The following RERE variants were observed in gnomAD, a reference collection of about 807,000 sequenced individuals.
RERE encodes the protein arginine-glutamic acid dipeptide repeats.
In RERE, 40 loss-of-function variants were observed where a neutral mutation model predicts 146.1. That is an observed-to-expected ratio of 0.27 (90% CI 0.21 to 0.36). The LOEUF (loss-of-function observed/expected upper bound fraction) is 0.36, where lower values mean the gene tolerates loss of function less well. RERE is among the 10% of genes least tolerant of loss of function. RERE has a pLI of 1.00. For missense variants in RERE, 1,933 were observed against 2,138.7 expected (o/e 0.90, Z 1.90); for synonymous variants, 1,003 against 866.0 (o/e 1.16, Z -2.78).
At chr1:8,368,780 G>A (rs964561765) in intron 12 of RERE, among the ~76,000 whole-genome samples, 2 of 152,142 alleles carry the variant, frequency 1.3e-5, no homozygotes, top group African/African-American at 4.8e-5. Context: ...AAGGGAAGAA[G>A]CCAGGCGCAG....
intron 11 of RERE, among the ~76,000 whole-genome samples, chr1:8,437,229 G>T (rs1644182177): frequency 6.6e-6 from 1 of 152,106 alleles, no homozygotes; most frequent in Non-Finnish European, 1.5e-5. Context: ...AGGGGCTCCT[G>T]GATTTTGTTT....
At chr1:8,709,892 C>G (rs534139984) in intron 1 of RERE, among the ~76,000 whole-genome samples, 1 of 152,328 alleles carries the variant, frequency 6.6e-6, no homozygotes, top group African/African-American at 2.4e-5. Flanking sequence ...AACTTATACT[C>G]TTACCAGCAG....
chr1:8,707,748 G>A (rs1021725586), intron 1 of RERE, among the ~76,000 whole-genome samples: 1 of 152,200 alleles, frequency 6.6e-6, no homozygotes, highest in African/African-American at 2.4e-5. Flanking sequence ...ATCCAGGATT[G>A]TATTAGTACC....
chr1:8,491,956 A>G (rs184250961), intron 10 of RERE, among the ~76,000 whole-genome samples: 49 of 152,326 alleles, frequency 3.2e-4, no homozygotes, highest in African/African-American at 1.1e-3. Flanking sequence ...CAAATCTTCT[A>G]TTACTCTAGG....
intron 12 of RERE, among the ~76,000 whole-genome samples, chr1:8,405,517 AG>A (rs953644671): frequency 3.3e-5 from 5 of 152,278 alleles, no homozygotes; most frequent in African/African-American, 1.2e-4. Context: ...ATTAAAAATT[AG>A]GTTATAGAAC....
chr1:8,570,365 T>A (rs1328677379), intron 4 of RERE, among the ~76,000 whole-genome samples: 1 of 151,804 alleles, frequency 6.6e-6, no homozygotes. Context: ...AAAAATAAAT[T>A]TTTTTGTAAT....
chr1:8,593,006 T>A (rs1646513319), intron 4 of RERE, among the ~76,000 whole-genome samples: 1 of 152,186 alleles, frequency 6.6e-6, no homozygotes, highest in Non-Finnish European at 1.5e-5. Flanking sequence ...TCCCAAGAAA[T>A]GGCTACAACC....
intron 1 of RERE, among the ~76,000 whole-genome samples, chr1:8,757,182 A>G (rs1337007523): frequency 6.6e-6 from 1 of 152,136 alleles, no homozygotes; most frequent in Non-Finnish European, 1.5e-5. Context: ...CATTCAACAC[A>G]AAACACACAA....
chr1:8,354,922 C>T lies in RERE; in HGVS notation c.*165G>A. ...AGTCTCAGGAAATCCTCTCGACAAA[C>T]GAACACTACTATGTGGATACATTTT... On this transcript the variant is annotated 3_prime_UTR_variant, in exon 23 of 23. Coordinates refer to ENST00000400908, the MANE Select transcript of RERE (RefSeq NM_001042681.2). 4 of 627,254 alleles carry T rather than the reference C, an allele frequency of 6.4e-6. No homozygotes were observed. The highest frequency in any genetic ancestry group is 6.2e-5 in the South Asian group (3 of 48,136). The allele number at this position is 627,254 out of a possible 1,614,324, so 38.9% of individuals were successfully genotyped here. A position where few individuals can be genotyped will look rare whatever the true frequency, so the allele number is the denominator to read the frequency against.
intron 4 of RERE, among the ~76,000 whole-genome samples, chr1:8,604,552 T>C (rs937393516): frequency 1.5e-5 from 2 of 131,282 alleles, no homozygotes; most frequent in African/African-American, 5.8e-5. Flanking sequence ...TACCAGTCAA[T>C]AGCAAGCTGA....
At chr1:8,422,670 G>C in intron 12 of RERE, 57 bp downstream of exon 12, 1 of 1,237,112 alleles carries the variant, frequency 8.1e-7, no homozygotes. Context: ...CAAATGTGGA[G>C]AGGCAGCAGG....
At chr1:8,557,037 GAA>G (rs1046532585) in intron 5 of RERE, among the ~76,000 whole-genome samples, 1 of 136,454 alleles carries the variant, frequency 7.3e-6, no homozygotes. Context: ...TTCAAAGAAG[GAA>G]AAAAAAAAAA....
intron 12 of RERE, among the ~76,000 whole-genome samples, chr1:8,405,579 A>T (rs1040507136): frequency 7.9e-5 from 12 of 152,264 alleles, no homozygotes; most frequent in African/African-American, 2.4e-4. Context: ...GCCTAGAAAC[A>T]GTCGGAAGAA....
At chr1:8,570,009 G>T (rs1460257650) in intron 4 of RERE, among the ~76,000 whole-genome samples, 1 of 152,032 alleles carries the variant, frequency 6.6e-6, no homozygotes. Flanking sequence ...AAAGAACATG[G>T]GTTATAGCTT....
intron 4 of RERE, among the ~76,000 whole-genome samples, chr1:8,559,833 C>T (rs1381303456): frequency 6.6e-6 from 1 of 152,154 alleles, no homozygotes; most frequent in Non-Finnish European, 1.5e-5. Context: ...TACAGGACAA[C>T]TGGAGTTTTC....
chr1:8,793,479 A>G (rs1641406690), intron 1 of RERE, among the ~76,000 whole-genome samples: 1 of 152,210 alleles, frequency 6.6e-6, no homozygotes, highest in East Asian at 1.9e-4. Flanking sequence ...AACTGCAAAG[A>G]GGTTAAGACC....
At chr1:8,586,192 T>A (rs960939547) in intron 4 of RERE, among the ~76,000 whole-genome samples, 3 of 152,216 alleles carry the variant, frequency 2.0e-5, no homozygotes, top group Non-Finnish European at 2.9e-5. Context: ...GCGAGAGATC[T>A]GCAGAGTATT....
At chr1:8,706,245 G>C (rs1052191455) in intron 1 of RERE, among the ~76,000 whole-genome samples, 1 of 151,940 alleles carries the variant, frequency 6.6e-6, no homozygotes, top group African/African-American at 2.4e-5. Flanking sequence ...TTTGAGCCTA[G>C]GAGTTTGAGT....
chr1:8,787,894 G>T (rs1259994922), intron 1 of RERE, among the ~76,000 whole-genome samples: 2 of 147,528 alleles, frequency 1.4e-5, no homozygotes, highest in Non-Finnish European at 3.0e-5. Flanking sequence ...TAATTTAAAA[G>T]TATTACCAGC....
Sources: gnomAD v4.1 joint callset for allele counts (sites outside exome capture counted in the v4.1 genomes callset) on GRCh38, gnomAD v4.1.1 for gene constraint, MANE v1.5 for transcripts, NCBI Gene and HGNC (gene_info 2026-07-23, HGNC 2026-07-21) for gene names.